PCDHA6: variants seen among roughly 807,000 people sequenced by gnomAD.
PCDHA6 encodes protocadherin alpha 6.
In PCDHA6, 55 loss-of-function variants were observed where a neutral mutation model predicts 60.3. That is an observed-to-expected ratio of 0.91 (90% CI 0.73 to 1.14). PCDHA6 has a LOEUF of 1.14. PCDHA6 is among the 50% of genes most tolerant of loss of function. The pLI is 0.00. For synonymous variants in PCDHA6, 652 were observed against 557.9 expected, an observed-to-expected ratio of 1.17 and a Z score of -2.38; for missense variants, 1,327 against 1,256.5, an observed-to-expected ratio of 1.06 and a Z score of -0.85.
chr5:140,842,387 T>A lies in PCDHA6; in HGVS notation c.2394+11902T>A, dbSNP rs2150335066. On this transcript the variant is annotated intron_variant, in intron 1 of 3. Coordinates refer to ENST00000529310, the MANE Select transcript of PCDHA6 (RefSeq NM_018909.4). ...CCCTGAGATAGCACTGACTTCCTTA[T>A]CCTTGCCTGTACGTGAAGACGCTCA... The A allele has an allele frequency of 8.7e-6, 14 of 1,611,016 alleles. 1 individual carries two copies. The South Asian group carries it at 1.4e-4, about 16-fold the overall frequency.
rs148906083 is a variant in PCDHA6, at chr5:140,906,715, A to C, written c.2395-72234A>C. ...CTGGGCCATTTGTAGTCCTGCCTGG[A>C]TTGTGCTGTTGTAGTTTCCCATTGA... On this transcript the variant is annotated intron_variant, in intron 1 of 3. Transcript: ENST00000529310. Among the ~76,000 whole-genome samples, 692 of 152,238 alleles carry C rather than the reference A, an allele frequency of 4.5e-3. 12 individuals carry two copies. The highest frequency in any genetic ancestry group is 0.027 in the Middle Eastern group (8 of 294).
intron 1 of PCDHA6, chr5:140,968,346 C>T: frequency 6.2e-7 from 1 of 1,614,090 alleles, no homozygotes. Flanking sequence ...ATTAACAGTG[C>T]CAGTGGCAGC....
Position 140,978,839 on chromosome 5 carries a change from C to CT in PCDHA6, c.2395-104dup, listed in dbSNP as rs5871758. On this transcript the variant is annotated intron_variant, in intron 1 of 3. Transcript: ENST00000529310. ...TACACATGAAATGGCTCATTCAATA[C>CT]TTTTTTAGATGCCTGGAAATATTTA... 14,607 of 1,556,970 alleles carry CT rather than the reference C, an allele frequency of 9.4e-3. 629 individuals carry two copies. The African/African-American group carries it at 0.12, about 13-fold the overall frequency.
chr5:140,950,685 A>T (rs947460709), intron 1 of PCDHA6, among the ~76,000 whole-genome samples: 3 of 152,082 alleles, frequency 2.0e-5, no homozygotes, highest in Non-Finnish European at 4.4e-5. Context: ...GTATATTGTT[A>T]ACCAAATTTG....
intron 1 of PCDHA6, chr5:140,884,122 G>C: frequency 1.2e-6 from 2 of 1,613,306 alleles, no homozygotes. Flanking sequence ...CGGTCGGCGC[G>C]CGCATCCCGT....
At chr5:140,907,377 C>T (rs2073348359) in intron 1 of PCDHA6, among the ~76,000 whole-genome samples, 1 of 152,124 alleles carries the variant, frequency 6.6e-6, no homozygotes, top group Non-Finnish European at 1.5e-5. Context: ...AAAGTGAGTG[C>T]CTTGGTCAAA....
At chr5:140,999,400 A>G (rs1331954466) in intron 3 of PCDHA6, among the ~76,000 whole-genome samples, 2 of 152,150 alleles carry the variant, frequency 1.3e-5, no homozygotes, top group Admixed American at 6.5e-5. Flanking sequence ...TGTTTTGCAT[A>G]TGAAAGAATG....
chr5:140,873,546 A>C (rs2054343070), intron 1 of PCDHA6, among the ~76,000 whole-genome samples: 2 of 151,836 alleles, frequency 1.3e-5, no homozygotes, highest in Admixed American at 1.3e-4. Context: ...TAAAATTATA[A>C]TTTCAATTTA....
chr5:140,872,828 A>G (rs1393520150), intron 1 of PCDHA6, among the ~76,000 whole-genome samples: 2 of 152,234 alleles, frequency 1.3e-5, no homozygotes, highest in African/African-American at 4.8e-5. Flanking sequence ...CATCTAGCAG[A>G]GAAAAAATTA....
intron 1 of PCDHA6, chr5:140,882,692 A>G (rs998224514): frequency 6.2e-7 from 1 of 1,614,204 alleles, no homozygotes; most frequent in South Asian, 1.1e-5. Context: ...ACGAATAATC[A>G]TTGCAGAATC....
Position 141,000,690 on chromosome 5 carries a change from A to G in PCDHA6, c.2543-8937A>G, listed in dbSNP as rs550187550. On this transcript the variant is annotated intron_variant, in intron 3 of 3. Transcript: ENST00000529310. The stretch of plus-strand genomic sequence containing the variant: ...TGATCCACCTGCCTCTGCCTCCCAA[A>G]GTGCTGGGATTACAGGCATGAGCCA... 4.2e-3 allele frequency among the ~76,000 whole-genome samples: 638 copies of G among 151,554 alleles called. 1 individual carries two copies. The highest frequency in any genetic ancestry group is 7.2e-3 in the Non-Finnish European group (489 of 67,874).
At position 140,982,360 on chromosome 5, in the gene PCDHA6, A is replaced by G. The variant is rs1016027722; in HGVS notation, c.2454-115A>G. 59 of 1,527,040 alleles carry G rather than the reference A, an allele frequency of 3.9e-5. No individual in the cohort carries two copies. In the Admixed American group the frequency reaches 8.5e-4, roughly 22 times the overall value. 94.6% of individuals were successfully genotyped at this position (1,527,040 alleles called of 1,614,324 possible). ...TAATTGCTTCAGTTCAAGCATGAGC[A>G]GAATGTGTTAGCTGCAGCCCTGGCT... On this transcript the variant is annotated intron_variant, in intron 2 of 3. Coordinates refer to ENST00000529310, the MANE Select transcript of PCDHA6 (RefSeq NM_018909.4).
intron 1 of PCDHA6, among the ~76,000 whole-genome samples, chr5:140,963,667 T>A (rs1206076549): frequency 6.6e-6 from 1 of 152,238 alleles, no homozygotes; most frequent in Non-Finnish European, 1.5e-5. Flanking sequence ...CTATATGGCA[T>A]AGTTAAATGT....
chr5:140,869,323 C>G (rs1426806563), intron 1 of PCDHA6: 13 of 1,613,746 alleles, frequency 8.1e-6, no homozygotes, highest in Non-Finnish European at 1.0e-5. Flanking sequence ...ACATGGGGAC[C>G]TTCTGGAGGT....
chr5:140,828,141 C>G lies in PCDHA6; in HGVS notation c.50C>G (p.Pro17Arg), dbSNP rs2150151318. 1.2e-6 allele frequency: 2 copies of G among 1,613,956 alleles called. No homozygotes were observed. The highest frequency in any genetic ancestry group is 1.1e-5 in the South Asian group (1 of 91,042). The change falls in exon 1 of 4, where the codon CCG becomes CGG. Residue 17 changes from proline to arginine, a missense_variant. Transcript: ENST00000529310. The stretch of plus-strand genomic sequence containing the variant: ...TTGGGAAAGCAATGTCTGCTCCTCC[C>G]GCTTCTGCTCCTCGCAGCCTGGAAG... ...DRLGKQCLLL[P>R]LLLLAAWKVG...
intron 1 of PCDHA6, chr5:140,870,382 C>G (rs782627889): frequency 7.4e-6 from 12 of 1,614,062 alleles, no homozygotes; most frequent in Non-Finnish European, 1.0e-5. Context: ...GGTGACTGCG[C>G]GGGATGGGGG....
chr5:140,881,353 G>A (rs537796043), intron 1 of PCDHA6: 1 of 985,178 alleles, frequency 1.0e-6, no homozygotes, highest in East Asian at 1.1e-4. Flanking sequence ...GCTACAATGC[G>A]TGGCTTTCGT....
intron 1 of PCDHA6, among the ~76,000 whole-genome samples, chr5:140,894,679 C>A (rs1227870690): frequency 6.6e-6 from 1 of 151,682 alleles, no homozygotes; most frequent in African/African-American, 2.4e-5. Context: ...TCTTGCATAG[C>A]TTTTCATTAT....
At chr5:140,922,891 G>GA (rs1554201035) in intron 1 of PCDHA6, among the ~76,000 whole-genome samples, 2 of 152,160 alleles carry the variant, frequency 1.3e-5, no homozygotes, top group Non-Finnish European at 2.9e-5. Context: ...CATCATTCAA[G>GA]AAAAAATTTT....
Sources: allele counts gnomAD v4.1 joint callset (sites outside exome capture counted in the v4.1 genomes callset), GRCh38; gene constraint gnomAD v4.1.1; transcripts MANE v1.5; gene names NCBI Gene and HGNC (gene_info 2026-07-23, HGNC 2026-07-21).